STAU2: variants seen among roughly 807,000 people sequenced by gnomAD.
STAU2 encodes the protein double-stranded RNA-binding protein Staufen homolog 2.
A neutral mutation model predicts 65.9 loss-of-function variants in STAU2; 20 were observed. The observed-to-expected ratio is 0.30, with a 90% CI of 0.21 to 0.44. The LOEUF (loss-of-function observed/expected upper bound fraction) is 0.44, where lower values mean the gene tolerates loss of function less well. Among genes scored for constraint, STAU2 ranks in the 20% least tolerant of loss-of-function variants. The pLI, the probability that STAU2 is intolerant of heterozygous loss-of-function variation, is 1.00. For synonymous variants in STAU2, 232 were observed against 233.9 expected (o/e 0.99, Z 0.07); for missense variants, 558 against 683.9 (o/e 0.82, Z 2.05).
chr8:73,463,905 T>C (rs1397320234), intron 13 of STAU2, among the ~76,000 whole-genome samples: 1 of 152,212 alleles, frequency 6.6e-6, no homozygotes, highest in African/African-American at 2.4e-5. Flanking sequence ...GCTCACCTTG[T>C]GTGTACTGAG....
At chr8:73,571,387 C>T (rs1204240176) in intron 12 of STAU2, among the ~76,000 whole-genome samples, 4 of 152,126 alleles carry the variant, frequency 2.6e-5, no homozygotes, top group African/African-American at 7.2e-5. Flanking sequence ...CAGCTCTGCA[C>T]CAAGTGGACC....
chr8:73,496,152 T>C (rs543169363), intron 13 of STAU2, among the ~76,000 whole-genome samples: 17 of 151,514 alleles, frequency 1.1e-4, no homozygotes, highest in Non-Finnish European at 2.2e-4. Context: ...AGGTGGTAGG[T>C]ATGTGGGTAT....
At chr8:73,607,774 A>T (rs757230204) in intron 9 of STAU2, among the ~76,000 whole-genome samples, 29 of 152,044 alleles carry the variant, frequency 1.9e-4, no homozygotes, top group Non-Finnish European at 1.5e-5. Flanking sequence ...TTGGAAACCA[A>T]ATTATCTTTC....
intron 5 of STAU2, among the ~76,000 whole-genome samples, chr8:73,677,662 C>T (rs1486222569): frequency 6.6e-6 from 1 of 152,076 alleles, no homozygotes. Context: ...GTTGTTTAAC[C>T]AACTGAAGTG....
chr8:73,704,657 A>C (rs1418795065), intron 4 of STAU2, among the ~76,000 whole-genome samples: 1 of 152,142 alleles, frequency 6.6e-6, no homozygotes, highest in Non-Finnish European at 1.5e-5. Flanking sequence ...TTTTCATAAT[A>C]AATTAAAAGT....
chr8:73,555,398 C>T (rs1332081457), intron 12 of STAU2, among the ~76,000 whole-genome samples: 7 of 152,170 alleles, frequency 4.6e-5, no homozygotes, highest in Non-Finnish European at 1.0e-4. Flanking sequence ...GAACTTTATC[C>T]TGATGCCATT....
chr8:73,574,021 TATCCAGA>T (rs1809320574), intron 12 of STAU2, among the ~76,000 whole-genome samples: 1 of 152,180 alleles, frequency 6.6e-6, no homozygotes, highest in Non-Finnish European at 1.5e-5. Flanking sequence ...AAAGGGCTGA[TATCCAGA>T]ATCTACAAAG....
At chr8:73,546,118 G>GTTTT (rs1585977076) in intron 13 of STAU2, among the ~76,000 whole-genome samples, 1 of 94,906 alleles carries the variant, frequency 1.1e-5, no homozygotes, top group Non-Finnish European at 2.2e-5. Context: ...TTTTTGTTTG[G>GTTTT]TTTTCTTTTT....
At chr8:73,442,353 CAAAA>C (rs10606663) in intron 13 of STAU2, among the ~76,000 whole-genome samples, 2,621 of 100,112 alleles carry the variant, frequency 0.026, 50 homozygotes, top group African/African-American at 0.087. Flanking sequence ...GACTCCGTCT[CAAAA>C]AAAAAAAAAA....
intron 13 of STAU2, among the ~76,000 whole-genome samples, chr8:73,475,123 A>G (rs962546063): frequency 6.6e-6 from 1 of 152,142 alleles, no homozygotes; most frequent in African/African-American, 2.4e-5. Context: ...AGAGGGTGTG[A>G]CTGGAAGGGG....
At chr8:73,661,282 C>T (rs770083377) in intron 6 of STAU2, among the ~76,000 whole-genome samples, 1 of 152,166 alleles carries the variant, frequency 6.6e-6, no homozygotes, top group African/African-American at 2.4e-5. Context: ...ACCAGCCTAT[C>T]ATTCTGTCCT....
chr8:73,656,434 T>G (rs1284095587), intron 6 of STAU2, among the ~76,000 whole-genome samples: 1 of 152,258 alleles, frequency 6.6e-6, no homozygotes, highest in African/African-American at 2.4e-5. Context: ...ACTACCTGAC[T>G]TACAAAGGAT....
chr8:73,731,399 C>T (rs549039806), intron 3 of STAU2, among the ~76,000 whole-genome samples: 79 of 152,252 alleles, frequency 5.2e-4, no homozygotes, highest in Admixed American at 2.2e-3. Flanking sequence ...CTGCTGGGCT[C>T]TGTTTTGGTT....
intron 6 of STAU2, among the ~76,000 whole-genome samples, chr8:73,642,616 T>C (rs1235554595): frequency 1.3e-5 from 2 of 152,176 alleles, no homozygotes; most frequent in African/African-American, 4.8e-5. Flanking sequence ...CTGCCTACCC[T>C]CTCCTGCTTT....
At chr8:73,685,494 A>G (rs1283416256) in intron 5 of STAU2, among the ~76,000 whole-genome samples, 1 of 150,596 alleles carries the variant, frequency 6.6e-6, no homozygotes, top group Admixed American at 6.7e-5. Flanking sequence ...CTCCTGCCTC[A>G]GCCTCCCAAG....
chr8:73,470,595 C>T (rs373050166), intron 13 of STAU2, among the ~76,000 whole-genome samples: 1 of 152,026 alleles, frequency 6.6e-6, no homozygotes, highest in East Asian at 1.9e-4. Context: ...GCCAGGAGTT[C>T]AAGACCAGCC....
chr8:73,459,614 AG>A (rs1819241868), intron 13 of STAU2, among the ~76,000 whole-genome samples: 1 of 152,060 alleles, frequency 6.6e-6, no homozygotes, highest in Non-Finnish European at 1.5e-5. Flanking sequence ...GACCTCAACC[AG>A]CAGCCCTACC....
chr8:73,424,467 C>G (rs1395701571), intron 13 of STAU2, among the ~76,000 whole-genome samples: 1 of 152,102 alleles, frequency 6.6e-6, no homozygotes, highest in Admixed American at 6.5e-5. Context: ...TCCCAAACTG[C>G]TGGGATTACA....
Position 73,564,287 on chromosome 8 carries a change from G to A in STAU2, c.1223-11968C>T, listed in dbSNP as rs761364171. Reference sequence around the variant, plus strand: ...TTGTTGAAAATGTGGTACACATACAGCATGGAATACTATGCAGCCATAAAA... The same window carrying A: ...TTGTTGAAAATGTGGTACACATACAACATGGAATACTATGCAGCCATAAAA... On this transcript the variant is annotated intron_variant, in intron 12 of 14. Coordinates refer to ENST00000524300, the MANE Select transcript of STAU2 (RefSeq NM_001164380.2). 1.1e-4 allele frequency among the ~76,000 whole-genome samples: 16 copies of A among 152,274 alleles called. 1 individual carries two copies. In the South Asian group the frequency reaches 2.7e-3, roughly 26 times the overall value.
Sources: allele counts gnomAD v4.1 joint callset (sites outside exome capture counted in the v4.1 genomes callset), GRCh38; gene constraint gnomAD v4.1.1; transcripts MANE v1.5; gene names NCBI Gene and HGNC (gene_info 2026-07-23, HGNC 2026-07-21).